The following ADAMTSL1 variants were observed in gnomAD, a reference collection of about 807,000 sequenced individuals.
ADAMTSL1 encodes ADAMTS-like protein 1.
ADAMTSL1 carries 126 observed loss-of-function variants against 201.8 expected under a neutral mutation model. The observed-to-expected ratio is 0.62, with a 90% CI of 0.54 to 0.72. ADAMTSL1 has a LOEUF of 0.72. Ranked by LOEUF, ADAMTSL1 falls within the 30% of genes least tolerant of loss-of-function variation. The pLI is 0.00. For missense variants in ADAMTSL1, 2,679 were observed against 2,277.8 expected, an observed-to-expected ratio of 1.18 and a Z score of -3.59; for synonymous variants, 1,121 against 903.4, an observed-to-expected ratio of 1.24 and a Z score of -4.32.
chr9:18,091,637 T>A (rs934784619), intron 1 of ADAMTSL1, among the ~76,000 whole-genome samples: 1 of 152,206 alleles, frequency 6.6e-6, no homozygotes, highest in Non-Finnish European at 1.5e-5. Flanking sequence ...TCCTTGTCCA[T>A]GTCACTTAAT....
chr9:18,497,469 G>T (rs1405318910), intron 1 of ADAMTSL1, among the ~76,000 whole-genome samples: 1 of 152,032 alleles, frequency 6.6e-6, no homozygotes, highest in East Asian at 1.9e-4. Flanking sequence ...AGACTGACAG[G>T]CTATTTCTAG....
At chr9:18,179,122 A>G (rs1444150391) in intron 2 of ADAMTSL1, among the ~76,000 whole-genome samples, 1 of 152,136 alleles carries the variant, frequency 6.6e-6, no homozygotes, top group African/African-American at 2.4e-5. Context: ...GACGTTGAAA[A>G]CTTTGAAAAA....
chr9:18,409,184 G>C (rs565453127), intron 2 of ADAMTSL1, among the ~76,000 whole-genome samples: 3 of 151,966 alleles, frequency 2.0e-5, no homozygotes, highest in Non-Finnish European at 4.4e-5. Context: ...AGGAGTTTGA[G>C]ACCAGCCTGA....
intron 2 of ADAMTSL1, among the ~76,000 whole-genome samples, chr9:18,317,240 A>T (rs1483142641): frequency 1.3e-5 from 2 of 152,140 alleles, no homozygotes; most frequent in African/African-American, 2.4e-5. Context: ...AGAGGAAGGG[A>T]TGAGGAAAAG....
chr9:18,316,316 C>G (rs1404641572), intron 2 of ADAMTSL1, among the ~76,000 whole-genome samples: 1 of 151,976 alleles, frequency 6.6e-6, no homozygotes, highest in Non-Finnish European at 1.5e-5. Flanking sequence ...CTGGTCTGAC[C>G]AAAATTATTA....
Position 18,104,201 on chromosome 9 carries a change from A to G in ADAMTSL1, c.88-59661A>G, listed in dbSNP as rs145935896. 1.1e-3 allele frequency among the ~76,000 whole-genome samples: 168 copies of G among 152,278 alleles called. 1 individual carries two copies. The highest frequency in any genetic ancestry group is 4.0e-3 in the African/African-American group (167 of 41,556). On this transcript the variant is annotated intron_variant, in intron 1 of 29. Transcript: ENST00000680146. Reference sequence around the variant, plus strand: ...AGCTCTTGACAGAGTTGTGAACAGTATCTCCCAGTTTCCAGACCTCTTCTC... The same window carrying G: ...AGCTCTTGACAGAGTTGTGAACAGTGTCTCCCAGTTTCCAGACCTCTTCTC...
At chr9:18,876,248 G>T (rs1423110365) in intron 23 of ADAMTSL1, among the ~76,000 whole-genome samples, 1 of 151,116 alleles carries the variant, frequency 6.6e-6, no homozygotes, top group African/African-American at 2.4e-5. Context: ...TTCAACATTA[G>T]TATTGAGAGG....
chr9:18,525,970 C>G (rs188566060), intron 2 of ADAMTSL1, among the ~76,000 whole-genome samples: 1 of 152,304 alleles, frequency 6.6e-6, no homozygotes, highest in East Asian at 1.9e-4. Context: ...CCACTTGGTA[C>G]AGAGCTGAGT....
intron 3 of ADAMTSL1, among the ~76,000 whole-genome samples, chr9:18,543,996 C>T (rs767620758): frequency 8.5e-5 from 13 of 152,144 alleles, no homozygotes; most frequent in Admixed American, 1.3e-4. Context: ...CTGACTCTCT[C>T]GGGAGGGTTC....
chr9:18,899,345 T>C (rs538914877), intron 26 of ADAMTSL1, among the ~76,000 whole-genome samples: 13 of 152,130 alleles, frequency 8.5e-5, no homozygotes, highest in East Asian at 5.8e-4. Context: ...ATAGGAAAAA[T>C]CAGTATCATG....
chr9:18,321,760 T>A (rs1486262430), intron 2 of ADAMTSL1, among the ~76,000 whole-genome samples: 1 of 151,920 alleles, frequency 6.6e-6, no homozygotes, highest in Non-Finnish European at 1.5e-5. Context: ...ACCACAGCAC[T>A]CCAGTCTGGG....
At chr9:18,229,195 A>C (rs888437795) in intron 2 of ADAMTSL1, among the ~76,000 whole-genome samples, 1 of 152,168 alleles carries the variant, frequency 6.6e-6, no homozygotes, top group Admixed American at 6.5e-5. Flanking sequence ...GGATCACTGC[A>C]CACCATCTGG....
intron 26 of ADAMTSL1, among the ~76,000 whole-genome samples, chr9:18,894,459 A>C (rs895324222): frequency 1.3e-5 from 2 of 149,634 alleles, no homozygotes; most frequent in African/African-American, 4.9e-5. Context: ...TGGTGATGAG[A>C]ATGAAGGTAT....
intron 3 of ADAMTSL1, among the ~76,000 whole-genome samples, chr9:18,551,372 A>G (rs1395474853): frequency 6.6e-6 from 1 of 151,792 alleles, no homozygotes; most frequent in East Asian, 1.9e-4. Flanking sequence ...TTTATTTCTT[A>G]TATAATTCTT....
At chr9:17,939,876 G>A (rs1228113232) in intron 1 of ADAMTSL1, among the ~76,000 whole-genome samples, 1 of 152,106 alleles carries the variant, frequency 6.6e-6, no homozygotes, top group African/African-American at 2.4e-5. Flanking sequence ...AGGACATGAA[G>A]GGGGGAGCAA....
intron 2 of ADAMTSL1, among the ~76,000 whole-genome samples, chr9:18,317,496 A>G (rs1022426875): frequency 1.3e-5 from 2 of 152,158 alleles, no homozygotes; most frequent in African/African-American, 2.4e-5. Flanking sequence ...TCATTTCACA[A>G]TGTATACATT....
chr9:18,135,260 C>T (rs1432857294), intron 1 of ADAMTSL1, among the ~76,000 whole-genome samples: 1 of 152,002 alleles, frequency 6.6e-6, no homozygotes, highest in African/African-American at 2.4e-5. Context: ...ACTGAGGGCT[C>T]CATACGTACT....
chr9:18,680,561 T>C (rs1309086918), intron 11 of ADAMTSL1, 45 bp downstream of exon 11: 1 of 1,599,714 alleles, frequency 6.3e-7, no homozygotes, highest in Non-Finnish European at 8.6e-7. Context: ...GTAAGTCCAC[T>C]CTTCCCTCTC....
At chr9:18,740,056 TC>T (rs1317865617) in intron 15 of ADAMTSL1, among the ~76,000 whole-genome samples, 1 of 152,164 alleles carries the variant, frequency 6.6e-6, no homozygotes, top group Non-Finnish European at 1.5e-5. Context: ...AATGGCTTCA[TC>T]TTTTGCATTC....
Sources: gnomAD v4.1 joint callset for allele counts (sites outside exome capture counted in the v4.1 genomes callset) on GRCh38, gnomAD v4.1.1 for gene constraint, MANE v1.5 for transcripts, NCBI Gene and HGNC (gene_info 2026-07-23, HGNC 2026-07-21) for gene names.